Variants in TRIM4 observed in about 807,000 individuals in gnomAD.
The protein encoded by TRIM4 is E3 ubiquitin-protein ligase TRIM4.
In TRIM4, 29 loss-of-function variants were observed where a neutral mutation model predicts 33.7. The ratio of observed to expected loss-of-function variants is 0.86; its 90% CI spans 0.64 to 1.17. TRIM4 has a LOEUF of 1.17. Among genes scored for constraint, TRIM4 ranks in the 50% most tolerant of loss-of-function variants. The pLI, the probability that TRIM4 is intolerant of heterozygous loss-of-function variation, is 0.00. For synonymous variants in TRIM4, 224 were observed against 233.0 expected, an observed-to-expected ratio of 0.96 and a Z score of 0.35; for missense variants, 554 against 593.7, an observed-to-expected ratio of 0.93 and a Z score of 0.69.
In TRIM4 at chr7:99,891,016, A is replaced by G. The variant is rs1818881912; in HGVS notation, c.*1147T>C. 1 of 152,232 alleles carries G rather than the reference A, an allele frequency of 6.6e-6. No individual in the cohort carries two copies. Among genetic ancestry groups the G allele is most frequent in the South Asian group, 2.1e-4 (1 of 4,834 alleles). 9.4% of individuals were successfully genotyped at this position (152,232 alleles called of 1,614,324 possible). A position where few individuals can be genotyped will look rare whatever the true frequency, so the allele number is the denominator to read the frequency against. On this transcript the variant is annotated 3_prime_UTR_variant, in exon 6 of 6. Transcript: ENST00000349062. ...TACAAACTTTCTACAATAAGTACAC[A>G]TGACTTATATAAACAGAGAAAAGCA... is the stretch of plus-strand genomic sequence containing the variant.
chr7:99,909,060 C>A (rs901882832), intron 2 of TRIM4, among the ~76,000 whole-genome samples: 1 of 152,056 alleles, frequency 6.6e-6, no homozygotes, highest in Non-Finnish European at 1.5e-5. Flanking sequence ...TAAACTAAAA[C>A]AAACTTTCAC....
At chr7:99,900,904 C>A (rs925095006) in intron 5 of TRIM4, among the ~76,000 whole-genome samples, 13 of 121,146 alleles carry the variant, frequency 1.1e-4, no homozygotes, top group Non-Finnish European at 3.9e-5. Flanking sequence ...TTATGATGAG[C>A]CTTGGCATAT....
intron 1 of TRIM4, among the ~76,000 whole-genome samples, chr7:99,912,575 ATGATATACATGCTGAAGTATTTTGTT>A (rs1355703601): frequency 6.6e-6 from 1 of 152,152 alleles, no homozygotes; most frequent in African/African-American, 2.4e-5. Context: ...AATCTGGTTA[ATGATATACATGCTGAAGTATTTTGTT>A]TGCAATTGAA....
At position 99,919,427 on chromosome 7, in the gene TRIM4, G is replaced by C. The variant is rs368545704; in HGVS notation, c.-26C>G. The C allele has an allele frequency of 2.7e-6, 4 of 1,506,274 alleles. No individual in the cohort carries two copies. Among genetic ancestry groups the C allele is most frequent in the Non-Finnish European group, 3.5e-6 (4 of 1,128,118 alleles). The allele number at this position is 1,506,274 out of a possible 1,614,324, so 93.3% of individuals were successfully genotyped here. ...GCTGCTTCCCTGCCGCGGAGACGGAGTCCGACGTGAGGCGCGGGAGAGGCC... is the reference window on the plus strand; with the variant it reads ...GCTGCTTCCCTGCCGCGGAGACGGACTCCGACGTGAGGCGCGGGAGAGGCC... On this transcript the variant is annotated 5_prime_UTR_variant, in exon 1 of 6. Coordinates refer to ENST00000349062, the MANE Select transcript of TRIM4 (RefSeq NM_033091.3).
chr7:99,908,697 G>A lies in TRIM4; in HGVS notation c.605C>T (p.Thr202Met), dbSNP rs1036689187. Residue 202 changes from threonine (T) to methionine (M), a missense_variant, in exon 3 of 6, where the codon ACG becomes ATG. Physicochemically the swap from Thr to Met is moderately conservative, Grantham distance 81. This residue lies in a region of TRIM4 where 290 missense variants were observed against 335.8 expected (regional missense o/e 0.86). Transcript: ENST00000349062. ...LQRLNKEEEE[T>M]KKKLNENTLK... ...CGTGTTCTCATTCAGCTTCTTCTTC[G>A]TCTCTTCTTCTTCTTTGTTCAATCT... 5.0e-6 allele frequency: 8 copies of A among 1,613,956 alleles called. No homozygotes were observed. The highest frequency in any genetic ancestry group is 4.5e-5 in the East Asian group (2 of 44,884).
chr7:99,909,515 G>A (rs1050873195), intron 2 of TRIM4, 50 bp downstream of exon 2: 2 of 1,546,760 alleles, frequency 1.3e-6, no homozygotes, highest in South Asian at 2.3e-5. Context: ...AAATGTCCCA[G>A]ACCAAAAGGA....
intron 1 of TRIM4, among the ~76,000 whole-genome samples, chr7:99,916,401 G>A (rs1355660714): frequency 6.6e-6 from 1 of 152,074 alleles, no homozygotes; most frequent in Non-Finnish European, 1.5e-5. Flanking sequence ...AGCCTCCAAG[G>A]CACCCCACCT....
intron 5 of TRIM4, among the ~76,000 whole-genome samples, chr7:99,898,509 C>T (rs929039415): frequency 2.0e-5 from 3 of 152,184 alleles, no homozygotes; most frequent in African/African-American, 7.2e-5. Context: ...CTTACTTACC[C>T]TAAAATTGGG....
chr7:99,908,113 A>G (rs1418800370), intron 3 of TRIM4: 2 of 152,768 alleles, frequency 1.3e-5, no homozygotes, highest in African/African-American at 4.8e-5. Flanking sequence ...GTCATTGGAA[A>G]TTATTTAAAT....
At chr7:99,905,903 G>T (rs1819292153) in intron 3 of TRIM4, among the ~76,000 whole-genome samples, 1 of 152,170 alleles carries the variant, frequency 6.6e-6, no homozygotes, top group Non-Finnish European at 1.5e-5. Context: ...CCAGCACTTT[G>T]CGAAGCCAAG....
intron 5 of TRIM4, among the ~76,000 whole-genome samples, chr7:99,898,640 T>G (rs1307601708): frequency 6.6e-6 from 1 of 152,030 alleles, no homozygotes; most frequent in East Asian, 1.9e-4. Context: ...CATTCTGGAG[T>G]TGCAATTTGG....
intron 3 of TRIM4, among the ~76,000 whole-genome samples, chr7:99,906,157 T>TA (rs966850393): frequency 2.7e-5 from 4 of 150,188 alleles, no homozygotes; most frequent in East Asian, 3.9e-4. Flanking sequence ...AAAAAAAAAG[T>TA]AAAAAAAAAT....
chr7:99,904,604 G>A (rs1819253318), intron 3 of TRIM4, among the ~76,000 whole-genome samples: 1 of 152,182 alleles, frequency 6.6e-6, no homozygotes. Flanking sequence ...GACAATAGGG[G>A]AAACTGGGTG....
rs768768697 is a variant in TRIM4 at position 99,909,654 on chromosome 7, G to T, written c.400C>A (p.Leu134Ile). Reference sequence around the variant, plus strand: ...ACGAGATTACGCTGAGACTTAAGAAGTTTCTCCTGCCAGCAGAAACACACA... The same window carrying T: ...ACGAGATTACGCTGAGACTTAAGAATTTTCTCCTGCCAGCAGAAACACACA... ...DEAFESYREK[L>I]LKSQRNLVAK... Residue 134 changes from leucine (L) to isoleucine (I), a missense_variant, in exon 2 of 6, where the codon CTT becomes ATT. Leu to Ile is a conservative substitution (Grantham distance 5). Coordinates refer to ENST00000349062, the MANE Select transcript of TRIM4 (RefSeq NM_033091.3). The T allele has an allele frequency of 5.0e-6, 8 of 1,608,854 alleles. No homozygotes were observed. The Admixed American group carries it at 1.2e-4, about 24-fold the overall frequency.
intron 5 of TRIM4, 47 bp from the exon 6 acceptor site, chr7:99,892,793 C>G (rs763935971): frequency 1.0e-5 from 15 of 1,485,604 alleles, no homozygotes; most frequent in Non-Finnish European, 1.4e-5. Context: ...TATCATCAAC[C>G]CTTCCCCAGA....
In TRIM4 at chr7:99,891,514, A is replaced by G. The variant is rs149511014; in HGVS notation, c.*649T>C. 2.6e-5 allele frequency: 4 copies of G among 152,570 alleles called. 1 individual carries two copies. Among genetic ancestry groups the G allele is most frequent in the African/African-American group, 7.2e-5 (3 of 41,590 alleles). 9.5% of individuals were successfully genotyped at this position (152,570 alleles called of 1,614,324 possible). ...TGGTTGGGAAGAGAGAGAGTGCAAC[A>G]TAGGCAGAGTGAGGGGGGATTCCCA... On this transcript the variant is annotated 3_prime_UTR_variant, in exon 6 of 6. Transcript: ENST00000349062.
In TRIM4 at chr7:99,919,244, C is replaced by A; in HGVS notation, c.158G>T (p.Arg53Leu). The change falls in exon 1 of 6, where the codon CGG (arginine) becomes CTG (leucine). Residue 53 changes from arginine (R) to leucine (L), a missense_variant. This residue lies in a region of TRIM4 where 233 missense variants were observed against 203.1 expected (regional missense o/e 1.15). Transcript: ENST00000349062. ...GGGPFPCPEC[R>L]HPSAPAALRP... ...CAGCGCGGCGGGCGCCGATGGGTGC[C>A]GACATTCGGGGCAGGGGAACGGGCC... 6.5e-7 allele frequency: 1 copy of A among 1,538,008 alleles called. No individual in the cohort carries two copies. Among genetic ancestry groups the A allele is most frequent in the Non-Finnish European group, 8.8e-7 (1 of 1,141,796 alleles).
chr7:99,898,267 A>G (rs2151642983), intron 5 of TRIM4, among the ~76,000 whole-genome samples: 1 of 152,342 alleles, frequency 6.6e-6, no homozygotes, highest in South Asian at 2.1e-4. Flanking sequence ...AGGGTGAGTA[A>G]CAAGAGTGCA....
chr7:99,895,249 T>C (rs941261323), intron 5 of TRIM4, among the ~76,000 whole-genome samples: 2 of 152,228 alleles, frequency 1.3e-5, no homozygotes, highest in African/African-American at 4.8e-5. Flanking sequence ...TCTGGTATAT[T>C]GTCTTTTCCT....
Sources: allele counts gnomAD v4.1 joint callset (sites outside exome capture counted in the v4.1 genomes callset), GRCh38; gene constraint gnomAD v4.1.1; regional missense constraint gnomAD v4.1.1; transcripts MANE v1.5; gene names NCBI Gene and HGNC (gene_info 2026-07-23, HGNC 2026-07-21).